The following MAST2 variants were observed in gnomAD, a reference collection of about 807,000 sequenced individuals.
MAST2 encodes the protein microtubule-associated serine/threonine-protein kinase 2.
In MAST2, 70 loss-of-function variants were observed where a neutral mutation model predicts 147.4. The ratio of observed to expected loss-of-function variants is 0.47; its 90% CI spans 0.39 to 0.58. The LOEUF is 0.58. Ranked by LOEUF, MAST2 falls within the 20% of genes least tolerant of loss-of-function variation. MAST2 has a pLI of 0.00. For synonymous variants in MAST2, 869 were observed against 896.8 expected, an observed-to-expected ratio of 0.97 and a Z score of 0.55; for missense variants, 2,080 against 2,302.3, an observed-to-expected ratio of 0.90 and a Z score of 1.98.
chr1:45,840,643 A>G (rs1159683124), intron 3 of MAST2, among the ~76,000 whole-genome samples: 3 of 152,260 alleles, frequency 2.0e-5, no homozygotes, highest in Non-Finnish European at 2.9e-5. Flanking sequence ...ATTTAGAGGC[A>G]GCCAAAAGCT....
rs1056217018 is a variant in MAST2 at position 45,883,628 on chromosome 1, C to G, written c.500+1233C>G. 1.6e-4 allele frequency among the ~76,000 whole-genome samples: 24 copies of G among 152,170 alleles called. 1 individual carries two copies. In the East Asian group the frequency reaches 4.6e-3, roughly 29 times the overall value. On this transcript the variant is annotated intron_variant, in intron 4 of 28. Transcript: ENST00000361297. The stretch of plus-strand genomic sequence containing the variant: ...TTAATATATGTATAGTGCTTTATTA[C>G]TTATAGTTTAATTTTAATATATATT...
intron 10 of MAST2, among the ~76,000 whole-genome samples, chr1:46,015,295 G>A (rs975489164): frequency 1.2e-4 from 19 of 152,296 alleles, no homozygotes; most frequent in Middle Eastern, 6.8e-3. Context: ...ACATTCAAAA[G>A]CTAGCAGAAG....
At chr1:45,927,043 C>T (rs1311716328) in intron 4 of MAST2, among the ~76,000 whole-genome samples, 1 of 152,110 alleles carries the variant, frequency 6.6e-6, no homozygotes, top group Non-Finnish European at 1.5e-5. Context: ...CCGGGGGAGA[C>T]ATCACACGTT....
intron 11 of MAST2, among the ~76,000 whole-genome samples, chr1:46,021,031 G>C (rs1462690487): frequency 6.6e-6 from 1 of 152,192 alleles, no homozygotes; most frequent in East Asian, 1.9e-4. Context: ...GGGGTGGCCA[G>C]AACTCAGACA....
intron 3 of MAST2, among the ~76,000 whole-genome samples, chr1:45,860,746 C>G (rs933401218): frequency 6.6e-6 from 1 of 151,826 alleles, no homozygotes; most frequent in Non-Finnish European, 1.5e-5. Context: ...GCAGGAGAAT[C>G]ACTTGAACCT....
At chr1:45,913,207 C>T (rs2148587581) in intron 4 of MAST2, among the ~76,000 whole-genome samples, 1 of 152,252 alleles carries the variant, frequency 6.6e-6, no homozygotes, top group Admixed American at 6.5e-5. Flanking sequence ...AATGACTGTG[C>T]TTTGAGCCCT....
intron 12 of MAST2, among the ~76,000 whole-genome samples, chr1:46,022,422 TA>T (rs2149291880): frequency 6.6e-6 from 1 of 152,332 alleles, no homozygotes; most frequent in South Asian, 2.1e-4. Context: ...TTGGCCACCT[TA>T]CAGGTCTTCC....
chr1:46,017,198 G>A (rs890060300), intron 10 of MAST2, among the ~76,000 whole-genome samples: 4 of 152,160 alleles, frequency 2.6e-5, no homozygotes, highest in East Asian at 3.9e-4. Flanking sequence ...AGACTTAAAC[G>A]TTAGACCTAA....
chr1:45,927,063 C>T (rs557607645), intron 4 of MAST2, among the ~76,000 whole-genome samples: 7 of 152,080 alleles, frequency 4.6e-5, no homozygotes, highest in South Asian at 2.1e-4. Flanking sequence ...TGGTAGGATC[C>T]GTGATGCCCC....
chr1:46,033,693 A>C, intron 26 of MAST2, 109 bp from the exon 27 acceptor site: 1 of 1,398,944 alleles, frequency 7.1e-7, no homozygotes, highest in Non-Finnish European at 9.8e-7. Flanking sequence ...TGGTGCAGGG[A>C]CAAAAAGCTG....
intron 6 of MAST2, among the ~76,000 whole-genome samples, chr1:46,002,173 G>A (rs948590844): frequency 6.6e-6 from 1 of 152,130 alleles, no homozygotes; most frequent in Non-Finnish European, 1.5e-5. Flanking sequence ...TTTGAGAGCA[G>A]CAGGAAGCCT....
chr1:46,005,853 C>CT (rs1407655632), intron 7 of MAST2, among the ~76,000 whole-genome samples: 3 of 152,208 alleles, frequency 2.0e-5, no homozygotes, highest in Non-Finnish European at 2.9e-5. Flanking sequence ...CATTGCTGAG[C>CT]TGCCCCCAGG....
At chr1:45,934,773 T>C (rs1306057174) in intron 4 of MAST2, among the ~76,000 whole-genome samples, 2 of 152,222 alleles carry the variant, frequency 1.3e-5, no homozygotes, top group Non-Finnish European at 2.9e-5. Context: ...TGTGTATATG[T>C]ACCATATTTT....
chr1:45,982,665 T>A (rs1644458107), intron 5 of MAST2, among the ~76,000 whole-genome samples: 1 of 152,132 alleles, frequency 6.6e-6, no homozygotes, highest in Non-Finnish European at 1.5e-5. Flanking sequence ...GTATAGTGCT[T>A]CTCTGAATTC....
chr1:45,838,766 A>G (rs370256051), intron 3 of MAST2, among the ~76,000 whole-genome samples: 5 of 152,282 alleles, frequency 3.3e-5, no homozygotes, highest in African/African-American at 9.6e-5. Flanking sequence ...GTATCCCTCT[A>G]TACTAACAAT....
intron 3 of MAST2, among the ~76,000 whole-genome samples, chr1:45,862,318 G>A (rs1434787388): frequency 1.3e-5 from 2 of 152,112 alleles, no homozygotes; most frequent in African/African-American, 4.8e-5. Context: ...TTTGAGGTGG[G>A]GAAAGATGGG....
intron 3 of MAST2, among the ~76,000 whole-genome samples, chr1:45,845,127 A>G (rs1281373092): frequency 1.3e-5 from 2 of 152,176 alleles, no homozygotes; most frequent in African/African-American, 4.8e-5. Flanking sequence ...CATTCATACC[A>G]TAGCAGTTGA....
chr1:45,955,183 A>G (rs1355322235), intron 4 of MAST2, among the ~76,000 whole-genome samples: 1 of 149,338 alleles, frequency 6.7e-6, no homozygotes, highest in Non-Finnish European at 1.5e-5. Flanking sequence ...AATGTGCAAA[A>G]TATATACCAT....
intron 5 of MAST2, among the ~76,000 whole-genome samples, chr1:45,976,681 G>T: frequency 6.6e-6 from 1 of 152,324 alleles, no homozygotes; most frequent in Middle Eastern, 3.4e-3. Flanking sequence ...TATTAACAGA[G>T]GGCAGTGCTG....
Sources: allele counts gnomAD v4.1 joint callset (sites outside exome capture counted in the v4.1 genomes callset), GRCh38; gene constraint gnomAD v4.1.1; transcripts MANE v1.5; gene names NCBI Gene and HGNC (gene_info 2026-07-23, HGNC 2026-07-21).